FHAD1: variants seen among roughly 807,000 people sequenced by gnomAD.
The protein encoded by FHAD1 is forkhead associated phosphopeptide binding domain 1.
FHAD1 carries 146 observed loss-of-function variants against 191.3 expected under a neutral mutation model. The observed-to-expected ratio is 0.76, with a 90% CI of 0.67 to 0.88. The LOEUF (loss-of-function observed/expected upper bound fraction) is 0.88, where lower values mean the gene tolerates loss of function less well. FHAD1 is among the 40% of genes least tolerant of loss of function. The pLI is 0.00. For missense variants in FHAD1, 1,635 were observed against 1,785.8 expected (o/e 0.92, Z 1.52); for synonymous variants, 616 against 672.3 (o/e 0.92, Z 1.29).
downstream of FHAD1, among the ~76,000 whole-genome samples, chr1:15,399,087 G>A (rs908905939): frequency 6.6e-6 from 1 of 152,168 alleles, no homozygotes; most frequent in Non-Finnish European, 1.5e-5. Context: ...GTCCCAAAGT[G>A]ATGGGATTAC....
intron 2 of FHAD1, among the ~76,000 whole-genome samples, chr1:15,271,140 GAAAA>G (rs543401814): frequency 1.3e-5 from 1 of 76,682 alleles, no homozygotes; most frequent in Non-Finnish European, 2.5e-5. Context: ...CTCCATCTCG[GAAAA>G]AAAAAAAAAA....
At chr1:15,290,794 C>T (rs578103613) in intron 4 of FHAD1, among the ~76,000 whole-genome samples, 65 of 152,148 alleles carry the variant, frequency 4.3e-4, no homozygotes, top group Non-Finnish European at 7.8e-4. Flanking sequence ...CTGCAAGCTC[C>T]GCCTTCTGGG....
intron 6 of FHAD1, among the ~76,000 whole-genome samples, chr1:15,302,099 A>G (rs78812370): frequency 0.048 from 7,338 of 152,320 alleles, 199 homozygotes; most frequent in Non-Finnish European, 0.051. Context: ...GAGAGGTGGC[A>G]GTGCAATTTG....
rs1230944542 is a variant in FHAD1, at chr1:15,251,898, TTCCCGTCCCC to T, written c.93+26_93+35del. 3 of 1,543,734 alleles carry T rather than the reference TTCCCGTCCCC, an allele frequency of 1.9e-6. No individual in the cohort carries two copies. In the African/African-American group the frequency reaches 4.1e-5, roughly 21 times the overall value. ...TACAGGTAAGAAGTCTTCCCACCTG[TTCCCGTCCCC>T]TCCCTGACCCCTTCCTTCTCCCTCT... On this transcript the variant is annotated intron_variant, in intron 2 of 33. Transcript: ENST00000688493.
intron 26 of FHAD1, among the ~76,000 whole-genome samples, chr1:15,372,431 T>G (rs893571163): frequency 6.6e-6 from 1 of 152,210 alleles, no homozygotes; most frequent in Non-Finnish European, 1.5e-5. Flanking sequence ...CTCTGCGTTC[T>G]TTTCCCGGAG....
chr1:15,350,473 G>A (rs1364733439), intron 19 of FHAD1, among the ~76,000 whole-genome samples: 1 of 152,260 alleles, frequency 6.6e-6, no homozygotes, highest in Non-Finnish European at 1.5e-5. Context: ...GAGGTAGACG[G>A]GGGAGACTGT....
chr1:15,241,920 T>C (rs1479546139), intron 1 of FHAD1, among the ~76,000 whole-genome samples: 5 of 152,138 alleles, frequency 3.3e-5, no homozygotes, highest in Non-Finnish European at 5.9e-5. Context: ...ATTTTCAATA[T>C]GTATATTATC....
Position 15,381,293 on chromosome 1 carries a change from G to A in FHAD1, c.3864G>A (p.Val1288=). ...ACATCAAGAATATGTCAGGCCACGT[G>A]TCCATGAAATACCTCTCCCGCCAGG... ...LMNIKNMSGH[V]SMKYLSRQER... The change falls in exon 30 of 34, where the codon GTG becomes GTA. Residue 1288 remains valine, a synonymous_variant. Coordinates refer to ENST00000688493, the MANE Select transcript of FHAD1 (RefSeq NM_001391957.1). This position sits in a 1 kb window ranked among gnomAD's most constrained non-coding sequence, Gnocchi z 4.6. The A allele has an allele frequency of 6.4e-7, 1 of 1,551,730 alleles. No individual in the cohort carries two copies. Among genetic ancestry groups the A allele is most frequent in the East Asian group, 2.4e-5 (1 of 40,920 alleles).
At chr1:15,306,646 C>A (rs2101015186) in intron 6 of FHAD1, among the ~76,000 whole-genome samples, 1 of 152,344 alleles carries the variant, frequency 6.6e-6, no homozygotes, top group East Asian at 1.9e-4. Context: ...TAAAAGGGGC[C>A]AACATAGAGC....
downstream of FHAD1, among the ~76,000 whole-genome samples, chr1:15,401,349 C>T (rs973481626): frequency 6.6e-6 from 1 of 152,198 alleles, no homozygotes; most frequent in African/African-American, 2.4e-5. Context: ...TGCTACACAG[C>T]CCCCACCCAC....
chr1:15,360,670 G>A lies in FHAD1; in HGVS notation c.2929G>A (p.Gly977Ser). The change falls in exon 22 of 34, where the codon GGC (glycine) becomes AGC (serine). Residue 977 changes from glycine to serine, a missense_variant. Coordinates refer to ENST00000688493, the MANE Select transcript of FHAD1 (RefSeq NM_001391957.1). ...CACTCAGCACCATAAAAAAATAGAA[G>A]GCGAGATTGCAACATTGAAGGACAA... ...KVTQHHKKIE[G>S]EIATLKDNDP... The A allele has an allele frequency of 6.4e-7, 1 of 1,551,780 alleles. No individual in the cohort carries two copies. Among genetic ancestry groups the A allele is most frequent in the Admixed American group, 2.0e-5 (1 of 50,990 alleles).
intron 1 of FHAD1, among the ~76,000 whole-genome samples, chr1:15,242,203 A>G (rs995402140): frequency 6.8e-6 from 1 of 147,504 alleles, no homozygotes; most frequent in Non-Finnish European, 1.5e-5. Context: ...ACTGCACTCC[A>G]GCCTGGGCAA....
At chr1:15,307,833 C>T (rs1670989895) in intron 6 of FHAD1, among the ~76,000 whole-genome samples, 1 of 151,966 alleles carries the variant, frequency 6.6e-6, no homozygotes, top group African/African-American at 2.4e-5. Flanking sequence ...CGGGTTCACA[C>T]CATTCTCCTG....
intron 4 of FHAD1, among the ~76,000 whole-genome samples, chr1:15,293,534 A>G (rs113295825): frequency 2.6e-5 from 4 of 152,264 alleles, no homozygotes; most frequent in Non-Finnish European, 5.9e-5. Flanking sequence ...CCTGACTAAC[A>G]TGGTGAAACC....
intron 32 of FHAD1, 48 bp downstream of exon 32, chr1:15,388,179 A>T: frequency 8.7e-7 from 1 of 1,143,634 alleles, no homozygotes; most frequent in South Asian, 1.3e-5. Context: ...AGACAGTCTC[A>T]ACTGGGGGTA....
At chr1:15,394,772 C>T (rs1035035231) in intron 33 of FHAD1, among the ~76,000 whole-genome samples, 6 of 152,114 alleles carry the variant, frequency 3.9e-5, no homozygotes, top group East Asian at 1.9e-4. Flanking sequence ...AGAGCTGAAA[C>T]GCGACTAGCC....
At chr1:15,355,258 C>T (rs962411826) in intron 20 of FHAD1, among the ~76,000 whole-genome samples, 15 of 150,802 alleles carry the variant, frequency 9.9e-5, no homozygotes, top group Admixed American at 6.6e-4. Context: ...TCAAAGTAGA[C>T]AGGTGACATT....
chr1:15,369,730 C>G (rs1001420366), intron 26 of FHAD1, among the ~76,000 whole-genome samples: 1 of 152,216 alleles, frequency 6.6e-6, no homozygotes, highest in Non-Finnish European at 1.5e-5. Context: ...CTCGGAGAGG[C>G]CTCCACGTTC....
downstream of FHAD1, among the ~76,000 whole-genome samples, chr1:15,398,526 C>A (rs922749700): frequency 6.6e-6 from 1 of 152,096 alleles, no homozygotes; most frequent in African/African-American, 2.4e-5. Context: ...AGAGTTGAGT[C>A]TTGAACCCAG....
Sources: gnomAD v4.1 joint callset for allele counts (sites outside exome capture counted in the v4.1 genomes callset) on GRCh38, gnomAD v4.1.1 for gene constraint, Gnocchi (gnomAD v3.1) non-coding constraint, MANE v1.5 for transcripts, NCBI Gene and HGNC (gene_info 2026-07-23, HGNC 2026-07-21) for gene names.